Variants in CNTNAP2 observed in about 807,000 individuals in gnomAD.
The protein encoded by CNTNAP2 is contactin-associated protein-like 2.
In CNTNAP2, 98 loss-of-function variants were observed where a neutral mutation model predicts 155.2. The observed-to-expected ratio is 0.63, with a 90% CI of 0.54 to 0.75. The LOEUF is 0.75. Among genes scored for constraint, CNTNAP2 ranks in the 30% least tolerant of loss-of-function variants. The probability of loss-of-function intolerance (pLI) is 0.00; values close to 1 mark genes in which losing one functional copy is unlikely to be tolerated. For synonymous variants in CNTNAP2, 651 were observed against 631.2 expected (o/e 1.03, Z -0.47); for missense variants, 1,727 against 1,688.1 (o/e 1.02, Z -0.40).
At chr7:147,115,173 A>T (rs932481880) in intron 5 of CNTNAP2, among the ~76,000 whole-genome samples, 2 of 152,184 alleles carry the variant, frequency 1.3e-5, no homozygotes, top group African/African-American at 4.8e-5. Flanking sequence ...TTCTGCTGAG[A>T]GGGCTGCTTT....
chr7:147,778,023 C>A (rs1262326874), intron 13 of CNTNAP2, among the ~76,000 whole-genome samples: 1 of 152,154 alleles, frequency 6.6e-6, no homozygotes, highest in Non-Finnish European at 1.5e-5. Context: ...CCAGTTTACT[C>A]TCCTATGGAA....
intron 3 of CNTNAP2, among the ~76,000 whole-genome samples, chr7:146,856,536 T>C (rs1311862846): frequency 1.3e-5 from 2 of 152,146 alleles, no homozygotes; most frequent in Non-Finnish European, 2.9e-5. Flanking sequence ...CGGAGAGTTT[T>C]GATGGGGAGA....
chr7:147,763,056 C>T (rs1797329975), intron 13 of CNTNAP2, among the ~76,000 whole-genome samples: 2 of 151,804 alleles, frequency 1.3e-5, no homozygotes, highest in African/African-American at 2.4e-5. Flanking sequence ...GTCGGGAGTT[C>T]GAGACCAGCC....
At chr7:147,823,927 C>T (rs748998352) in intron 13 of CNTNAP2, among the ~76,000 whole-genome samples, 1 of 152,108 alleles carries the variant, frequency 6.6e-6, no homozygotes, top group Non-Finnish European at 1.5e-5. Flanking sequence ...CAGCAAATAA[C>T]TCAATATAAG....
intron 1 of CNTNAP2, among the ~76,000 whole-genome samples, chr7:146,624,552 TTGTG>T (rs927862792): frequency 2.6e-5 from 4 of 152,040 alleles, no homozygotes; most frequent in African/African-American, 9.7e-5. Context: ...TTAATTTTGT[TTGTG>T]TGGGTTTATT....
intron 3 of CNTNAP2, among the ~76,000 whole-genome samples, chr7:146,882,790 G>C (rs1795579192): frequency 6.6e-6 from 1 of 152,078 alleles, no homozygotes; most frequent in African/African-American, 2.4e-5. Context: ...TTCAGGCTGA[G>C]AACCAAATCA....
At chr7:148,218,933 ACTCT>A (rs996616266) in intron 19 of CNTNAP2, among the ~76,000 whole-genome samples, 2 of 110,310 alleles carry the variant, frequency 1.8e-5, no homozygotes, top group African/African-American at 7.4e-5. Context: ...TTCTAAGATC[ACTCT>A]TTTTTTTTTT....
At chr7:146,966,565 G>A (rs981112340) in intron 3 of CNTNAP2, among the ~76,000 whole-genome samples, 4 of 152,158 alleles carry the variant, frequency 2.6e-5, no homozygotes, top group African/African-American at 9.7e-5. Flanking sequence ...ATATCTTTGA[G>A]CTACTATTGA....
chr7:146,752,569 G>T (rs987429777), intron 1 of CNTNAP2, among the ~76,000 whole-genome samples: 2 of 152,102 alleles, frequency 1.3e-5, no homozygotes, highest in African/African-American at 4.8e-5. Context: ...TCTATAGGTT[G>T]CTGATTCACT....
At chr7:147,577,595 C>T (rs1305565715) in intron 12 of CNTNAP2, among the ~76,000 whole-genome samples, 1 of 151,740 alleles carries the variant, frequency 6.6e-6, no homozygotes, top group Non-Finnish European at 1.5e-5. Flanking sequence ...ATTGGGGTGG[C>T]AGGAGGGGGC....
At chr7:147,522,159 A>G (rs1799239465) in intron 11 of CNTNAP2, among the ~76,000 whole-genome samples, 1 of 152,198 alleles carries the variant, frequency 6.6e-6, no homozygotes, top group Non-Finnish European at 1.5e-5. Context: ...TCCACCTGTG[A>G]GGGCTCTGCC....
At chr7:147,772,491 C>CAA (rs1193910514) in intron 13 of CNTNAP2, among the ~76,000 whole-genome samples, 2,165 of 105,590 alleles carry the variant, frequency 0.021, 57 homozygotes, top group Non-Finnish European at 0.033. Context: ...TATACACACA[C>CAA]AAAAAAAAAA....
chr7:148,396,646 T>A (rs1200475259), intron 22 of CNTNAP2, among the ~76,000 whole-genome samples: 3 of 152,184 alleles, frequency 2.0e-5, no homozygotes, highest in Non-Finnish European at 4.4e-5. Flanking sequence ...CACATGCTTT[T>A]CAGAGAAAAG....
At chr7:146,301,049 T>C (rs969966678) in intron 1 of CNTNAP2, among the ~76,000 whole-genome samples, 3 of 152,144 alleles carry the variant, frequency 2.0e-5, no homozygotes, top group African/African-American at 7.2e-5. Context: ...ATTAATTCTA[T>C]ATAGAAGTTA....
At chr7:146,735,636 C>T (rs758839167) in intron 1 of CNTNAP2, among the ~76,000 whole-genome samples, 7 of 138,818 alleles carry the variant, frequency 5.0e-5, no homozygotes, top group Non-Finnish European at 8.8e-5. Flanking sequence ...TACACCTCTA[C>T]CTTCTCTGTA....
chr7:146,910,594 C>T (rs1265458537), intron 3 of CNTNAP2, among the ~76,000 whole-genome samples: 1 of 151,084 alleles, frequency 6.6e-6, no homozygotes, highest in Middle Eastern at 3.4e-3. Flanking sequence ...GGAAAACTGG[C>T]TAGCCATATG....
chr7:146,163,736 G>GA (rs978948791), intron 1 of CNTNAP2, among the ~76,000 whole-genome samples: 33 of 147,720 alleles, frequency 2.2e-4, no homozygotes, highest in South Asian at 2.1e-3. Flanking sequence ...TAAAAAAAAA[G>GA]AAAAAAAAAG....
intron 9 of CNTNAP2, among the ~76,000 whole-genome samples, chr7:147,326,395 G>A (rs898414511): frequency 2.6e-5 from 4 of 152,174 alleles, no homozygotes; most frequent in South Asian, 2.1e-4. Context: ...TGGTTGAATC[G>A]TATTTCATTG....
At chr7:148,210,619 C>A (rs1406239721) in intron 18 of CNTNAP2, among the ~76,000 whole-genome samples, 1 of 152,194 alleles carries the variant, frequency 6.6e-6, no homozygotes, top group Non-Finnish European at 1.5e-5. Flanking sequence ...TTTTCTTTGG[C>A]ATTTTTTCTC....
Sources: allele counts gnomAD v4.1 joint callset (sites outside exome capture counted in the v4.1 genomes callset), GRCh38; gene constraint gnomAD v4.1.1; transcripts MANE v1.5; gene names NCBI Gene and HGNC (gene_info 2026-07-23, HGNC 2026-07-21).